SPAG16: variants seen among roughly 807,000 people sequenced by gnomAD.
SPAG16 encodes sperm-associated antigen 16 protein.
SPAG16 carries 86 observed loss-of-function variants against 80.4 expected under a neutral mutation model. The observed-to-expected ratio is 1.07, with a 90% confidence interval of 0.90 to 1.28. The LOEUF (loss-of-function observed/expected upper bound fraction) is 1.28, where lower values mean the gene tolerates loss of function less well. SPAG16 is among the 50% of genes most tolerant of loss of function. The pLI, the probability that SPAG16 is intolerant of heterozygous loss-of-function variation, is 0.00. For synonymous variants in SPAG16, 294 were observed against 265.9 expected (o/e 1.11, Z -1.03); for missense variants, 870 against 765.3 (o/e 1.14, Z -1.61).
intron 13 of SPAG16, among the ~76,000 whole-genome samples, chr2:214,073,044 G>T (rs1234667016): frequency 6.6e-6 from 1 of 151,864 alleles, no homozygotes; most frequent in Non-Finnish European, 1.5e-5. Flanking sequence ...AAAAGTGGCT[G>T]AATATAAGAT....
chr2:213,507,527 T>G (rs577068376), intron 10 of SPAG16, among the ~76,000 whole-genome samples: 1 of 152,346 alleles, frequency 6.6e-6, no homozygotes, highest in African/African-American at 2.4e-5. Context: ...GAGCATGGTA[T>G]GTCCTCAGTA....
chr2:214,264,947 A>C (rs1263527460), intron 15 of SPAG16, among the ~76,000 whole-genome samples: 1 of 152,038 alleles, frequency 6.6e-6, no homozygotes, highest in African/African-American at 2.4e-5. Flanking sequence ...ATGTCTCTTC[A>C]TGGTTTGATA....
At chr2:214,217,645 C>T (rs532044569) in intron 15 of SPAG16, among the ~76,000 whole-genome samples, 11 of 152,314 alleles carry the variant, frequency 7.2e-5, no homozygotes, top group Admixed American at 5.9e-4. Flanking sequence ...TTTCCACATG[C>T]TAAAAGAATA....
At chr2:214,363,809 T>C (rs1159736988) in intron 15 of SPAG16, among the ~76,000 whole-genome samples, 1 of 152,048 alleles carries the variant, frequency 6.6e-6, no homozygotes, top group Non-Finnish European at 1.5e-5. Context: ...TCTAGGTGAG[T>C]ATCCTTGGGC....
At chr2:213,892,508 C>G (rs1274638792) in intron 11 of SPAG16, among the ~76,000 whole-genome samples, 4 of 152,058 alleles carry the variant, frequency 2.6e-5, no homozygotes, top group Admixed American at 2.6e-4. Context: ...TGTGAGCTCT[C>G]TGACAAAGAA....
chr2:214,048,381 A>G (rs1266854329), intron 13 of SPAG16, among the ~76,000 whole-genome samples: 1 of 152,208 alleles, frequency 6.6e-6, no homozygotes, highest in East Asian at 1.9e-4. Flanking sequence ...CAGCTATTAA[A>G]AAAATGTCAT....
chr2:214,037,298 C>T (rs1213683703), intron 13 of SPAG16, among the ~76,000 whole-genome samples: 1 of 151,884 alleles, frequency 6.6e-6, no homozygotes, highest in Non-Finnish European at 1.5e-5. Flanking sequence ...CATATTCACC[C>T]AACTTGTTTA....
At chr2:213,894,066 G>A (rs1353423584) in intron 11 of SPAG16, among the ~76,000 whole-genome samples, 1 of 151,878 alleles carries the variant, frequency 6.6e-6, no homozygotes, top group African/African-American at 2.4e-5. Context: ...CTATGCAACT[G>A]AAAACTAAAA....
chr2:214,350,644 T>A (rs1698341536), intron 15 of SPAG16, among the ~76,000 whole-genome samples: 1 of 152,136 alleles, frequency 6.6e-6, no homozygotes, highest in South Asian at 2.1e-4. Flanking sequence ...GGTGTGTATT[T>A]CCCCAGGTCT....
At chr2:213,810,001 C>T (rs1201662640) in intron 10 of SPAG16, among the ~76,000 whole-genome samples, 2 of 152,078 alleles carry the variant, frequency 1.3e-5, no homozygotes, top group African/African-American at 2.4e-5. Context: ...ACGCATCGTA[C>T]GAAAAGGATA....
intron 10 of SPAG16, among the ~76,000 whole-genome samples, chr2:213,576,527 T>C (rs979012899): frequency 3.3e-5 from 5 of 152,166 alleles, no homozygotes; most frequent in African/African-American, 1.2e-4. Flanking sequence ...TGCACGCATA[T>C]GTTCATTGCA....
At chr2:214,078,725 C>A (rs577526755) in intron 13 of SPAG16, among the ~76,000 whole-genome samples, 1 of 151,926 alleles carries the variant, frequency 6.6e-6, no homozygotes, top group Non-Finnish European at 1.5e-5. Context: ...TATAATTGAT[C>A]ACTTCTGAAG....
chr2:213,987,278 A>C (rs972238263), intron 12 of SPAG16, among the ~76,000 whole-genome samples: 2 of 151,996 alleles, frequency 1.3e-5, no homozygotes, highest in African/African-American at 4.8e-5. Context: ...TGCAATACCT[A>C]CTGCCTGCCT....
At chr2:213,949,449 G>A (rs1191925223) in intron 12 of SPAG16, among the ~76,000 whole-genome samples, 1 of 152,082 alleles carries the variant, frequency 6.6e-6, no homozygotes, top group Non-Finnish European at 1.5e-5. Context: ...TTACAGGCAT[G>A]AGCCACCGCG....
At chr2:214,032,766 G>T (rs2048479753) in intron 13 of SPAG16, among the ~76,000 whole-genome samples, 1 of 152,180 alleles carries the variant, frequency 6.6e-6, no homozygotes, top group South Asian at 2.1e-4. Flanking sequence ...TTTTGATGTA[G>T]ATTTACTTTG....
intron 15 of SPAG16, among the ~76,000 whole-genome samples, chr2:214,277,809 C>T (rs563463875): frequency 2.6e-5 from 4 of 152,290 alleles, no homozygotes; most frequent in East Asian, 1.9e-4. Flanking sequence ...AGAGCTCAAA[C>T]GCTGTGCTGG....
At chr2:213,294,968 A>G (rs2062438646) in intron 1 of SPAG16, among the ~76,000 whole-genome samples, 1 of 152,196 alleles carries the variant, frequency 6.6e-6, no homozygotes. Flanking sequence ...ATTAGTTAAT[A>G]CATGGAAAAC....
chr2:214,382,121 C>T (rs1700483374), intron 15 of SPAG16, among the ~76,000 whole-genome samples: 1 of 152,212 alleles, frequency 6.6e-6, no homozygotes, highest in Non-Finnish European at 1.5e-5. Flanking sequence ...AGAGTCAATG[C>T]TGTGTGATGA....
intron 15 of SPAG16, among the ~76,000 whole-genome samples, chr2:214,287,686 A>G (rs1160309646): frequency 6.6e-6 from 1 of 152,254 alleles, no homozygotes; most frequent in Non-Finnish European, 1.5e-5. Context: ...AAGTATCAAT[A>G]TCAATAGAAA....
Sources: allele counts gnomAD v4.1 joint callset (sites outside exome capture counted in the v4.1 genomes callset), GRCh38; gene constraint gnomAD v4.1.1; transcripts MANE v1.5; gene names NCBI Gene and HGNC (gene_info 2026-07-23, HGNC 2026-07-21).